SPECC1: variants seen among roughly 807,000 people sequenced by gnomAD.
The protein encoded by SPECC1 is sperm antigen with calponin homology and coiled-coil domains 1, also known as cytospin-B.
SPECC1 carries 62 observed loss-of-function variants against 104.1 expected under a neutral mutation model. The observed-to-expected ratio is 0.60, with a 90% CI of 0.49 to 0.74. The LOEUF is 0.74. SPECC1 is among the 30% of genes least tolerant of loss of function. The pLI is 0.00. For missense variants in SPECC1, 1,306 were observed against 1,310.5 expected, an observed-to-expected ratio of 1.00 and a Z score of 0.05; for synonymous variants, 513 against 501.6, an observed-to-expected ratio of 1.02 and a Z score of -0.30.
chr17:20,199,692 T>C (rs2036285812), intron 3 of SPECC1, among the ~76,000 whole-genome samples: 1 of 152,182 alleles, frequency 6.6e-6, no homozygotes, highest in Admixed American at 6.5e-5. Context: ...AACTCCATAC[T>C]GTTCTCCATA....
chr17:20,160,741 C>T (rs983980248), intron 3 of SPECC1, among the ~76,000 whole-genome samples: 1 of 152,138 alleles, frequency 6.6e-6, no homozygotes, highest in African/African-American at 2.4e-5. Context: ...GTAGTTACCT[C>T]TACAATTCTA....
At chr17:20,185,470 A>G (rs143648839) in intron 3 of SPECC1, among the ~76,000 whole-genome samples, 1 of 152,250 alleles carries the variant, frequency 6.6e-6, no homozygotes, top group African/African-American at 2.4e-5. Flanking sequence ...TCCAGCCCAC[A>G]GTCCGTGGAG....
intron 10 of SPECC1, among the ~76,000 whole-genome samples, chr17:20,256,764 C>T (rs1338202355): frequency 2.0e-5 from 3 of 152,182 alleles, no homozygotes; most frequent in African/African-American, 7.2e-5. Flanking sequence ...CCTGTAGTCC[C>T]AGCTACTTGG....
At chr17:20,051,108 CTTTCTTTCTTTCTTTCT>C (rs2045745845) in intron 1 of SPECC1, among the ~76,000 whole-genome samples, 1 of 129,592 alleles carries the variant, frequency 7.7e-6, no homozygotes, top group Non-Finnish European at 1.6e-5. Context: ...TTCTTTCTTT[CTTTCTTTCTTTCTTTCT>C]TTCTTTCTTT....
chr17:20,092,106 G>C (rs1212857721), intron 1 of SPECC1, among the ~76,000 whole-genome samples: 1 of 152,004 alleles, frequency 6.6e-6, no homozygotes, highest in African/African-American at 2.4e-5. Context: ...TGAAATTTAA[G>C]AGTTGCAGTT....
intron 1 of SPECC1, among the ~76,000 whole-genome samples, chr17:20,072,140 C>T (rs1055697094): frequency 2.0e-5 from 3 of 152,210 alleles, no homozygotes; most frequent in Non-Finnish European, 4.4e-5. Context: ...TCTTGCAGTG[C>T]TGCTGGGCAA....
At chr17:20,203,498 A>G (rs1022725876) in intron 3 of SPECC1, among the ~76,000 whole-genome samples, 1 of 152,224 alleles carries the variant, frequency 6.6e-6, no homozygotes, top group African/African-American at 2.4e-5. Context: ...ATGTCAAGTA[A>G]CATAGGTATG....
chr17:20,298,898 A>G (rs1237527904), intron 13 of SPECC1, among the ~76,000 whole-genome samples: 1 of 148,636 alleles, frequency 6.7e-6, no homozygotes, highest in Non-Finnish European at 1.5e-5. Flanking sequence ...AGGTGTTAGA[A>G]TTCTCCAAAA....
chr17:20,144,116 G>A (rs1253433274), intron 3 of SPECC1, among the ~76,000 whole-genome samples: 3 of 151,908 alleles, frequency 2.0e-5, no homozygotes, highest in Non-Finnish European at 2.9e-5. Context: ...TTTGCAGTTG[G>A]GACGATAAGT....
chr17:20,085,904 C>T (rs1367034121), intron 1 of SPECC1, among the ~76,000 whole-genome samples: 2 of 152,350 alleles, frequency 1.3e-5, no homozygotes, highest in East Asian at 1.9e-4. Flanking sequence ...TAGGGCCATG[C>T]GGCGATGATC....
chr17:20,130,065 CTTCT>C (rs1299485168), intron 3 of SPECC1, among the ~76,000 whole-genome samples: 1 of 152,138 alleles, frequency 6.6e-6, no homozygotes, highest in Admixed American at 6.6e-5. Context: ...CCTAGAGCCA[CTTCT>C]TTAAGATTTT....
chr17:20,134,203 C>T (rs1167228054), intron 3 of SPECC1, among the ~76,000 whole-genome samples: 1 of 151,804 alleles, frequency 6.6e-6, no homozygotes, highest in Non-Finnish European at 1.5e-5. Flanking sequence ...TCCAACCACT[C>T]AGGGTTCTTT....
At chr17:20,181,237 AAG>A (rs1156793489) in intron 3 of SPECC1, among the ~76,000 whole-genome samples, 1 of 152,160 alleles carries the variant, frequency 6.6e-6, no homozygotes, top group East Asian at 1.9e-4. Flanking sequence ...CTGAAAATAT[AAG>A]AGCGAAATAT....
intron 13 of SPECC1, 113 bp downstream of exon 13, chr17:20,297,190 A>G (rs1422813407): frequency 1.2e-6 from 1 of 814,836 alleles, no homozygotes; most frequent in Non-Finnish European, 2.0e-6. Flanking sequence ...TGGGATATTG[A>G]TACCAGGTAC....
At chr17:20,145,602 C>G (rs919125426) in intron 3 of SPECC1, among the ~76,000 whole-genome samples, 1 of 152,200 alleles carries the variant, frequency 6.6e-6, no homozygotes, top group Non-Finnish European at 1.5e-5. Context: ...CTTTCCCCAG[C>G]CTTCCTCCCA....
chr17:20,238,287 A>G (rs995501087), intron 7 of SPECC1: 1 of 1,040,930 alleles, frequency 9.6e-7, no homozygotes, highest in East Asian at 5.8e-5. Context: ...AACTCACCCC[A>G]GAAACTTAGT....
intron 1 of SPECC1, among the ~76,000 whole-genome samples, chr17:20,050,635 A>G (rs1162988122): frequency 1.3e-5 from 2 of 152,216 alleles, no homozygotes; most frequent in East Asian, 3.8e-4. Flanking sequence ...GATTTTGCTG[A>G]AAGAAGTAAG....
chr17:20,189,935 A>T (rs1487324346), intron 3 of SPECC1, among the ~76,000 whole-genome samples: 4 of 152,216 alleles, frequency 2.6e-5, no homozygotes, highest in African/African-American at 7.2e-5. Flanking sequence ...AAAGGAAGTA[A>T]AATGGGTGAG....
intron 13 of SPECC1, among the ~76,000 whole-genome samples, chr17:20,298,312 C>T (rs1208032371): frequency 6.6e-6 from 1 of 151,324 alleles, no homozygotes; most frequent in Non-Finnish European, 1.5e-5. Flanking sequence ...TCAGCCTGGG[C>T]AACAGAGCAA....
Sources: gnomAD v4.1 joint callset for allele counts (sites outside exome capture counted in the v4.1 genomes callset) on GRCh38, gnomAD v4.1.1 for gene constraint, MANE v1.5 for transcripts, NCBI Gene and HGNC (gene_info 2026-07-23, HGNC 2026-07-21) for gene names.